The following ABTB3 variants were observed in gnomAD, a reference collection of about 807,000 sequenced individuals.
The protein encoded by ABTB3 is ankyrin repeat- and BTB/POZ domain-containing protein 3.
the ABTB3 span, among the ~76,000 whole-genome samples, chr12:107,366,701 G>C: frequency 6.6e-6 from 1 of 152,180 alleles, no homozygotes; most frequent in African/African-American, 2.4e-5. Context: ...AAGTGAAAAT[G>C]GGGTGGAAAA....
the ABTB3 span, among the ~76,000 whole-genome samples, chr12:107,530,981 G>A: frequency 2.6e-5 from 4 of 152,158 alleles, no homozygotes; most frequent in Non-Finnish European, 4.4e-5. Flanking sequence ...TTTGAAAGAG[G>A]GACTCCGATC....
the ABTB3 span, among the ~76,000 whole-genome samples, chr12:107,619,434 T>G: frequency 6.6e-6 from 1 of 152,214 alleles, no homozygotes; most frequent in East Asian, 1.9e-4. Context: ...GTCTTCTTAT[T>G]CGGGTATAAA....
the ABTB3 span, among the ~76,000 whole-genome samples, chr12:107,570,202 C>A: frequency 6.6e-6 from 1 of 151,248 alleles, no homozygotes; most frequent in Non-Finnish European, 1.5e-5. Flanking sequence ...TAAATATATT[C>A]GTTGTTAACT....
At chr12:107,435,518 G>C in the ABTB3 span, among the ~76,000 whole-genome samples, 1 of 152,230 alleles carries the variant, frequency 6.6e-6, no homozygotes, top group Non-Finnish European at 1.5e-5. Context: ...TAAGGACAGA[G>C]GACTTCTCTG....
At chr12:107,352,700 T>C in the ABTB3 span, among the ~76,000 whole-genome samples, 1 of 152,040 alleles carries the variant, frequency 6.6e-6, no homozygotes, top group African/African-American at 2.4e-5. Context: ...GATGTGATCA[T>C]ATCTGTGTTT....
chr12:107,642,320 C>A, the ABTB3 span: 2 of 673,764 alleles, frequency 3.0e-6, no homozygotes, highest in African/African-American at 1.8e-5. Flanking sequence ...CTCACAGTGC[C>A]CCTTCCGTTT....
At chr12:107,554,817 T>C in the ABTB3 span, among the ~76,000 whole-genome samples, 1 of 152,170 alleles carries the variant, frequency 6.6e-6, no homozygotes, top group South Asian at 2.1e-4. Flanking sequence ...TGTGCATGTG[T>C]CTTATCTCTG....
the ABTB3 span, among the ~76,000 whole-genome samples, chr12:107,654,815 TACACACACAC>T: frequency 0.016 from 2,312 of 141,280 alleles, 63 homozygotes; most frequent in South Asian, 0.067. Context: ...CTACATTGTA[TACACACACAC>T]ACACACACAC....
chr12:107,614,110 A>G, the ABTB3 span, among the ~76,000 whole-genome samples: 1 of 152,132 alleles, frequency 6.6e-6, no homozygotes, highest in African/African-American at 2.4e-5. Flanking sequence ...GTGGATGCTT[A>G]GTGAACCAAA....
chr12:107,508,438 C>CTTTTTTTTTTTTTTTTTTTTTT, the ABTB3 span, among the ~76,000 whole-genome samples: 14 of 69,160 alleles, frequency 2.0e-4, 1 homozygote, highest in East Asian at 1.1e-3. Flanking sequence ...AAGATCATTT[C>CTTTTTTTTTTTTTTTTTTTTTT]TTTTTTTTTT....
the ABTB3 span, among the ~76,000 whole-genome samples, chr12:107,518,692 G>A: frequency 9.9e-5 from 15 of 152,130 alleles, no homozygotes; most frequent in African/African-American, 3.1e-4. Context: ...ACATGGCACC[G>A]TATACATATG....
At chr12:107,366,236 A>C in the ABTB3 span, among the ~76,000 whole-genome samples, 80 of 152,200 alleles carry the variant, frequency 5.3e-4, no homozygotes, top group Non-Finnish European at 6.3e-4. Flanking sequence ...TAGGCAGTTC[A>C]CAGATGACTG....
the ABTB3 span, among the ~76,000 whole-genome samples, chr12:107,415,737 A>G: frequency 1.3e-5 from 2 of 149,372 alleles, no homozygotes; most frequent in Non-Finnish European, 2.9e-5. Flanking sequence ...AAAAAACAAA[A>G]AAACAAAAAC....
At chr12:107,545,644 C>G in the ABTB3 span, among the ~76,000 whole-genome samples, 1 of 152,192 alleles carries the variant, frequency 6.6e-6, no homozygotes, top group African/African-American at 2.4e-5. Flanking sequence ...ACTCAGGTCT[C>G]CCACCATCCA....
At chr12:107,572,547 A>C in the ABTB3 span, among the ~76,000 whole-genome samples, 5 of 152,306 alleles carry the variant, frequency 3.3e-5, no homozygotes, top group Non-Finnish European at 7.4e-5. Context: ...TGGAGCATCC[A>C]GGCTGATGCT....
At chr12:107,460,199 G>C in the ABTB3 span, among the ~76,000 whole-genome samples, 19 of 152,238 alleles carry the variant, frequency 1.2e-4, no homozygotes, top group Non-Finnish European at 1.6e-4. Context: ...TGAGGGAAAA[G>C]GCCTGGGTTC....
the ABTB3 span, among the ~76,000 whole-genome samples, chr12:107,370,239 CT>C: frequency 2.6e-5 from 4 of 152,312 alleles, no homozygotes; most frequent in Non-Finnish European, 4.4e-5. Flanking sequence ...TAATGGATGA[CT>C]TCTCCTCAGT....
At chr12:107,323,500 T>C in the ABTB3 span, among the ~76,000 whole-genome samples, 2 of 152,234 alleles carry the variant, frequency 1.3e-5, no homozygotes, top group African/African-American at 4.8e-5. Flanking sequence ...TAAAAACTTT[T>C]CAGAACTGGA....
the ABTB3 span, chr12:107,319,360 G>C: frequency 7.7e-6 from 12 of 1,564,274 alleles, no homozygotes; most frequent in Non-Finnish European, 1.0e-5. Context: ...GCCGGGCGCT[G>C]GTGCGCATAG....
Sources: allele counts gnomAD v4.1 joint callset (sites outside exome capture counted in the v4.1 genomes callset), GRCh38; gene constraint gnomAD v4.1.1; transcripts MANE v1.5; gene names NCBI Gene and HGNC (gene_info 2026-07-23, HGNC 2026-07-21).